NREP: variants seen among roughly 807,000 people sequenced by gnomAD.
The protein encoded by NREP is neuronal regeneration related protein.
A neutral mutation model predicts 8.6 loss-of-function variants in NREP; 5 were observed. That is an observed-to-expected ratio of 0.58 (90% CI 0.30 to 1.22). The LOEUF is 1.22. NREP is among the 50% of genes most tolerant of loss of function. NREP has a pLI of 0.07. For missense variants in NREP, 86 were observed against 82.5 expected (o/e 1.04, Z -0.17); for synonymous variants, 27 against 28.0 (o/e 0.96, Z 0.11).
chr5:111,947,859 C>T (rs1377023144), intron 2 of NREP, among the ~76,000 whole-genome samples: 1 of 151,966 alleles, frequency 6.6e-6, no homozygotes, highest in Non-Finnish European at 1.5e-5. Context: ...ACATATTCCT[C>T]CTTGATCTTA....
intron 2 of NREP, among the ~76,000 whole-genome samples, chr5:111,952,290 G>A (rs931009244): frequency 2.0e-5 from 3 of 152,128 alleles, no homozygotes; most frequent in African/African-American, 7.2e-5. Context: ...AGGCAAGAAT[G>A]AGAATACAGT....
chr5:111,897,387 T>G (rs17133862), intron 2 of NREP, among the ~76,000 whole-genome samples: 2 of 152,122 alleles, frequency 1.3e-5, no homozygotes, highest in Non-Finnish European at 2.9e-5. Context: ...CTATATGTGA[T>G]GCCAAATGTT....
intron 2 of NREP, among the ~76,000 whole-genome samples, chr5:111,930,575 T>C (rs991206736): frequency 1.3e-5 from 2 of 152,158 alleles, no homozygotes; most frequent in South Asian, 2.1e-4. Flanking sequence ...ACAAAGGAAA[T>C]GATGTCGTCA....
intron 2 of NREP, among the ~76,000 whole-genome samples, chr5:111,833,480 T>G (rs1459753055): frequency 6.6e-6 from 1 of 152,226 alleles, no homozygotes; most frequent in Non-Finnish European, 1.5e-5. Context: ...TCATCACTAA[T>G]AAATCATACT....
At chr5:111,774,872 A>C (rs1279319079) in intron 2 of NREP, among the ~76,000 whole-genome samples, 1 of 152,192 alleles carries the variant, frequency 6.6e-6, no homozygotes, top group Non-Finnish European at 1.5e-5. Context: ...TATGAGATAA[A>C]GTATGGGTGT....
rs113004511 is a variant in NREP at position 111,740,557 on chromosome 5, G to A, written c.4-5050C>T. On this transcript the variant is annotated intron_variant, in intron 2 of 3. Coordinates refer to ENST00000257435, the MANE Select transcript of NREP (RefSeq NM_004772.4). ...AAGTCTATAAAGTAATTAGCTCACC[G>A]GTAATTATTGCTTAGTATAAACTAT... Among the ~76,000 whole-genome samples the A allele has an allele frequency of 6.7e-3, 1,017 of 151,990 alleles. 16 individuals carry two copies. Among genetic ancestry groups the A allele is most frequent in the African/African-American group, 0.023 (958 of 41,458 alleles).
chr5:111,937,932 T>G (rs1031957953), intron 2 of NREP, among the ~76,000 whole-genome samples: 4 of 152,072 alleles, frequency 2.6e-5, no homozygotes, highest in African/African-American at 9.7e-5. Context: ...TGCTCTTGAC[T>G]TCTTAGTCCT....
chr5:111,975,157 C>T (rs1028903059), intron 2 of NREP: 44 of 691,132 alleles, frequency 6.4e-5, no homozygotes, highest in South Asian at 7.4e-5. Context: ...AAGGCTTTCA[C>T]GGGGCAATGG....
At chr5:111,883,948 G>A (rs1754163772) in intron 2 of NREP, among the ~76,000 whole-genome samples, 1 of 152,060 alleles carries the variant, frequency 6.6e-6, no homozygotes, top group Non-Finnish European at 1.5e-5. Context: ...TCAAAAGCTA[G>A]CAGAAGGCAA....
rs545584231 is a variant in NREP at position 111,945,616 on chromosome 5, T to TA, written c.135+29657dup. Among the ~76,000 whole-genome samples the TA allele has an allele frequency of 7.4e-4, 113 of 152,072 alleles. 1 individual carries two copies. The South Asian group carries it at 0.022, about 30-fold the overall frequency. On this transcript the variant is annotated intron_variant, in intron 2 of 3. Coordinates refer to the NREP transcript ENST00000395634. Reference sequence around the variant, plus strand: ...AGGGTTTGTTTTGTTGAAAGTGACATACTGTAATCTCAAAATAAATTAACC... The same window carrying TA: ...AGGGTTTGTTTTGTTGAAAGTGACATAACTGTAATCTCAAAATAAATTAACC...
At chr5:111,775,967 A>G (rs1193263084) in intron 2 of NREP, among the ~76,000 whole-genome samples, 9 of 152,174 alleles carry the variant, frequency 5.9e-5, no homozygotes, top group African/African-American at 1.7e-4. Context: ...ACTTATAATA[A>G]GAGACTTTCA....
chr5:111,753,079 G>A (rs1750463879), intron 2 of NREP, among the ~76,000 whole-genome samples: 1 of 151,676 alleles, frequency 6.6e-6, no homozygotes, highest in Admixed American at 6.6e-5. Context: ...ACAAAACTGT[G>A]GGGGTGGGAG....
At chr5:111,813,489 C>T (rs191973614) in intron 2 of NREP, among the ~76,000 whole-genome samples, 152 of 152,160 alleles carry the variant, frequency 1.0e-3, no homozygotes, top group African/African-American at 3.5e-3. Context: ...TTCGTTCATG[C>T]TTATATTCCA....
At chr5:111,924,193 C>T (rs575971556) in intron 2 of NREP, among the ~76,000 whole-genome samples, 1 of 152,114 alleles carries the variant, frequency 6.6e-6, no homozygotes, top group African/African-American at 2.4e-5. Context: ...TTTATATCCC[C>T]TATTGGCTAA....
chr5:111,912,885 G>A (rs1754951570), intron 2 of NREP, among the ~76,000 whole-genome samples: 1 of 152,128 alleles, frequency 6.6e-6, no homozygotes, highest in South Asian at 2.1e-4. Flanking sequence ...AGGTAAAGTA[G>A]AATATTATTT....
intron 3 of NREP, chr5:111,734,370 GCTA>G (rs1371096677): frequency 5.7e-6 from 1 of 175,404 alleles, no homozygotes; most frequent in Admixed American, 6.3e-5. Context: ...TAAGGAAAGC[GCTA>G]CTATTTTAGC....
intron 2 of NREP, among the ~76,000 whole-genome samples, chr5:111,965,977 T>A (rs1756633720): frequency 6.6e-6 from 1 of 152,174 alleles, no homozygotes; most frequent in Non-Finnish European, 1.5e-5. Context: ...GTTAACAGGC[T>A]GCAACCGTGA....
intron 2 of NREP, among the ~76,000 whole-genome samples, chr5:111,810,734 G>A (rs1376289670): frequency 6.6e-6 from 1 of 152,174 alleles, no homozygotes; most frequent in Non-Finnish European, 1.5e-5. Flanking sequence ...AAGTGAATGA[G>A]CATCTTGCTT....
intron 2 of NREP, among the ~76,000 whole-genome samples, chr5:111,900,179 C>A (rs917355736): frequency 6.6e-6 from 1 of 151,768 alleles, no homozygotes; most frequent in African/African-American, 2.4e-5. Context: ...AATTAAGCAA[C>A]ATGCTCATGG....
Sources: allele counts gnomAD v4.1 joint callset (sites outside exome capture counted in the v4.1 genomes callset), GRCh38; gene constraint gnomAD v4.1.1; transcripts MANE v1.5; gene names NCBI Gene and HGNC (gene_info 2026-07-23, HGNC 2026-07-21).